The following ALG3 variants were observed in gnomAD, a reference collection of about 807,000 sequenced individuals.
ALG3 encodes the protein ALG3 alpha-1,3- mannosyltransferase, also known as dol-P-Man:Man(5)GlcNAc(2)-PP-Dol alpha-1,3-mannosyltransferase.
In ALG3, 39 loss-of-function variants were observed where a neutral mutation model predicts 50.5. The observed-to-expected ratio is 0.77, with a 90% confidence interval of 0.60 to 1.01. ALG3 has a LOEUF of 1.01. Among genes scored for constraint, ALG3 ranks in the 50% least tolerant of loss-of-function variants. The pLI, the probability that ALG3 is intolerant of heterozygous loss-of-function variation, is 0.00. For missense variants in ALG3, 520 were observed against 554.8 expected, an observed-to-expected ratio of 0.94 and a Z score of 0.63; for synonymous variants, 252 against 237.2, an observed-to-expected ratio of 1.06 and a Z score of -0.58.
chr3:184,249,446 G>A (rs886761295), upstream of ALG3: 1 of 814,304 alleles, frequency 1.2e-6, no homozygotes, highest in Non-Finnish European at 1.9e-6. Flanking sequence ...ATGAGCCCAC[G>A]TGAGTCTGAC....
intron 1 of ALG3, 25 bp from the exon 2 acceptor site, chr3:184,245,837 T>C (rs1467945326): frequency 1.3e-6 from 2 of 1,590,028 alleles, no homozygotes; most frequent in Non-Finnish European, 1.7e-6. Context: ...GATGATCTGG[T>C]TACTTCTGAG....
At chr3:184,243,107 G>T in intron 7 of ALG3, 150 bp from the exon 8 acceptor site, 1 of 1,054,070 alleles carries the variant, frequency 9.5e-7, no homozygotes, top group Non-Finnish European at 1.4e-6. Context: ...CTCTGGACCT[G>T]CTCCTCAACC....
chr3:184,248,719 C>G lies in ALG3; in HGVS notation c.196+26G>C. On this transcript the variant is annotated intron_variant, in intron 1 of 8. Coordinates refer to ENST00000397676, the MANE Select transcript of ALG3 (RefSeq NM_005787.6). ...CGCGGGTTCAGGTCTCCCTCCCTCC[C>G]CTCCCCTCCCCCTCGGCGCACTCAC... 2 of 1,398,728 alleles carry G rather than the reference C, an allele frequency of 1.4e-6. 1 individual carries two copies. The highest frequency in any genetic ancestry group is 2.0e-6 in the Non-Finnish European group (2 of 1,013,444). 86.6% of individuals were successfully genotyped at this position (1,398,728 alleles called of 1,614,324 possible).
chr3:184,249,182 G>T (rs758790962), upstream of ALG3: 4 of 1,600,514 alleles, frequency 2.5e-6, no homozygotes, highest in South Asian at 4.5e-5. Flanking sequence ...GTACACAGGC[G>T]CTAATTTAGA....
rs751710887 is a variant in ALG3, at chr3:184,248,862, G to A, written c.79C>T (p.Arg27Cys). 13 of 1,606,800 alleles carry A rather than the reference G, an allele frequency of 8.1e-6. No individual in the cohort carries two copies. The South Asian group carries it at 8.8e-5, about 11-fold the overall frequency. The part of the protein sequence containing the change: ...AEGLCKQWLQ[R>C]AWQERRLLLR... Reference sequence around the variant, plus strand: ...AGCAGGCGCCGCTCTTGCCAGGCGCGCTGCAGCCATTGCTTGCAGAGTCCC... The same window carrying A: ...AGCAGGCGCCGCTCTTGCCAGGCGCACTGCAGCCATTGCTTGCAGAGTCCC... The change falls in exon 1 of 9, where the codon CGC (arginine) becomes TGC (cysteine). Residue 27 changes from arginine (R) to cysteine (C), a missense_variant. Arg to Cys is a radical substitution (Grantham distance 180). Around this residue, in one of 3 missense-constraint regions of ALG3, gnomAD observed 290 missense variants for 265.9 expected, o/e 1.09. Transcript: ENST00000397676.
At chr3:184,245,898 GA>G (rs1719122335) in intron 1 of ALG3, 86 bp from the exon 2 acceptor site, 1 of 1,038,366 alleles carries the variant, frequency 9.6e-7, no homozygotes. Flanking sequence ...TCAAAACACA[GA>G]CTTTCAGCCA....
At chr3:184,244,420 T>C in intron 5 of ALG3, 181 bp downstream of exon 5, 1 of 753,912 alleles carries the variant, frequency 1.3e-6, no homozygotes, top group South Asian at 2.2e-5. Flanking sequence ...TCAGAGACCA[T>C]CAAATTTAAT....
chr3:184,249,494 A>G, upstream of ALG3: 1 of 755,986 alleles, frequency 1.3e-6, no homozygotes, highest in Non-Finnish European at 2.1e-6. Flanking sequence ...TTGGCAGTAC[A>G]GCCGGAGGAT....
Position 184,243,777 on chromosome 3 carries a change from C to T in ALG3, c.932+14G>A. 1 of 1,609,694 alleles carries T rather than the reference C, an allele frequency of 6.2e-7. No homozygotes were observed. Among genetic ancestry groups the T allele is most frequent in the East Asian group, 2.2e-5 (1 of 44,760 alleles). ...TCCCCCAACTCTGCCCATGGCACTA[C>T]TGCCTTTTCTCACCTGTGCCACCTG... On this transcript the variant is annotated intron_variant, in intron 6 of 8. Transcript: ENST00000397676.
upstream of ALG3, chr3:184,249,468 G>T: frequency 2.7e-6 from 2 of 749,546 alleles, no homozygotes; most frequent in Non-Finnish European, 4.3e-6. Flanking sequence ...CCTTGAGTGC[G>T]GCCCTAGGAA....
intron 1 of ALG3, among the ~76,000 whole-genome samples, chr3:184,246,606 A>G (rs957573229): frequency 5.4e-5 from 8 of 148,712 alleles, no homozygotes; most frequent in African/African-American, 2.0e-4. Context: ...ATCTCTTACT[A>G]CTCCCTTCAC....
intron 1 of ALG3, among the ~76,000 whole-genome samples, chr3:184,247,928 C>T (rs1719254364): frequency 6.6e-6 from 1 of 151,454 alleles, no homozygotes; most frequent in South Asian, 2.1e-4. Context: ...TCACTGAAAG[C>T]TCTGCCTCCC....
intron 4 of ALG3, 130 bp downstream of exon 4, chr3:184,245,068 G>T: frequency 8.1e-7 from 1 of 1,233,214 alleles, no homozygotes; most frequent in Non-Finnish European, 1.2e-6. Flanking sequence ...TATAGATCCT[G>T]GACTCGCTTT....
upstream of ALG3, chr3:184,249,115 C>T (rs1235677001): frequency 1.3e-6 from 2 of 1,482,466 alleles, no homozygotes; most frequent in Non-Finnish European, 1.8e-6. Context: ...CTGATGCACT[C>T]CACGCTCCAT....
chr3:184,244,551 G>A, intron 5 of ALG3, 50 bp downstream of exon 5: 1 of 1,581,868 alleles, frequency 6.3e-7, no homozygotes, highest in Non-Finnish European at 8.6e-7. Flanking sequence ...CCTCAATCAA[G>A]ACAAGTGGCT....
In ALG3 at chr3:184,245,562, C is replaced by A. The variant is rs370434427; in HGVS notation, c.350G>T (p.Arg117Leu). The A allele has an allele frequency of 6.2e-7, 1 of 1,613,822 alleles. No individual in the cohort carries two copies. The highest frequency in any genetic ancestry group is 1.1e-5 in the South Asian group (1 of 91,052). ...CTGGGCCATGCGGATGTCAGTGCCTCGGCTGGTGGCATAGTACAACCCCAT... is the reference window on the plus strand; with the variant it reads ...CTGGGCCATGCGGATGTCAGTGCCTAGGCTGGTGGCATAGTACAACCCCAT... Reference protein sequence around the residue: ...IFMGLYYATSRGTDIRMAQNI... With the variant: ...IFMGLYYATSLGTDIRMAQNI... Residue 117 changes from arginine (R) to leucine (L), a missense_variant, in exon 3 of 9, where the codon CGA (arginine) becomes CTA (leucine). Transcript: ENST00000397676.
Position 184,242,449 on chromosome 3 carries a change from G to C in ALG3, c.*65C>G, listed in dbSNP as rs776636517. ...TGGACTTAGCAAGGTTTATTTGGAA[G>C]GGCAGAGTCCAACCAACCCCAGGTC... On this transcript the variant is annotated 3_prime_UTR_variant, in exon 9 of 9. Coordinates refer to ENST00000397676, the MANE Select transcript of ALG3 (RefSeq NM_005787.6). 1.3e-6 allele frequency: 2 copies of C among 1,560,604 alleles called. No homozygotes were observed. Among genetic ancestry groups the C allele is most frequent in the Non-Finnish European group, 8.7e-7 (1 of 1,147,560 alleles).
At chr3:184,247,769 G>C (rs1163451556) in intron 1 of ALG3, among the ~76,000 whole-genome samples, 1 of 151,898 alleles carries the variant, frequency 6.6e-6, no homozygotes, top group Non-Finnish European at 1.5e-5. Flanking sequence ...GGTATCCTGT[G>C]TTACTACTAC....
chr3:184,248,995 A>C (rs1236513423), upstream of ALG3: 8 of 1,543,626 alleles, frequency 5.2e-6, no homozygotes, highest in South Asian at 8.3e-5. Context: ...CGAACCTTCG[A>C]CACTTAGGTT....
Sources: allele counts gnomAD v4.1 joint callset (sites outside exome capture counted in the v4.1 genomes callset), GRCh38; gene constraint gnomAD v4.1.1; regional missense constraint gnomAD v4.1.1; transcripts MANE v1.5; gene names NCBI Gene and HGNC (gene_info 2026-07-23, HGNC 2026-07-21).